Variants in GLP2R observed in about 807,000 individuals in gnomAD.
The protein encoded by GLP2R is glucagon-like peptide 2 receptor.
In GLP2R, 59 loss-of-function variants were observed where a neutral mutation model predicts 68.2. That is an observed-to-expected ratio of 0.87 (90% CI 0.70 to 1.07). The LOEUF is 1.07. GLP2R is among the 50% of genes least tolerant of loss of function. The pLI, the probability that GLP2R is intolerant of heterozygous loss-of-function variation, is 0.00. For missense variants in GLP2R, 548 were observed against 677.4 expected (o/e 0.81, Z 2.12); for synonymous variants, 270 against 265.4 (o/e 1.02, Z -0.17).
chr17:9,842,625 G>T lies in GLP2R; in HGVS notation c.504+9G>T. On this transcript the variant is annotated intron_variant, in intron 4 of 12. Transcript: ENST00000262441. ...ACAGCTTCAAGCAAAACGTGAGTTT[G>T]CTCAGCTCAGTGAGGAGGCATCCAG... is the stretch of plus-strand genomic sequence containing the variant. 6.2e-7 allele frequency: 1 copy of T among 1,613,080 alleles called. No individual in the cohort carries two copies. The highest frequency in any genetic ancestry group is 8.5e-7 in the Non-Finnish European group (1 of 1,179,956).
At chr17:9,889,007 C>G (rs142932291) in intron 12 of GLP2R, among the ~76,000 whole-genome samples, 2,242 of 152,270 alleles carry the variant, frequency 0.015, 66 homozygotes, top group African/African-American at 0.051. Flanking sequence ...AGCTCACATT[C>G]TATGTAAGCT....
intron 8 of GLP2R, 32 bp downstream of exon 8, chr17:9,861,231 G>C: frequency 1.4e-6 from 2 of 1,424,596 alleles, no homozygotes; most frequent in Non-Finnish European, 9.9e-7. Context: ...ATTCTTTCAC[G>C]AGCCGGTAAT....
chr17:9,845,044 C>T (rs1403009892), intron 4 of GLP2R, among the ~76,000 whole-genome samples: 7 of 145,620 alleles, frequency 4.8e-5, no homozygotes, highest in South Asian at 2.2e-4. Flanking sequence ...CCCCACTCTC[C>T]GCCACTCCCA....
intron 1 of GLP2R, among the ~76,000 whole-genome samples, chr17:9,829,438 T>A (rs1171540036): frequency 1.3e-5 from 2 of 152,070 alleles, no homozygotes; most frequent in African/African-American, 4.8e-5. Flanking sequence ...AATAAAGATG[T>A]GCTCTCAAAT....
chr17:9,834,636 A>G (rs966913226), intron 2 of GLP2R: 1 of 152,334 alleles, frequency 6.6e-6, no homozygotes, highest in African/African-American at 2.4e-5. Context: ...ACTGAGGACA[A>G]TCCCCGGCTC....
At chr17:9,881,378 C>CTTT (rs35526930) in intron 11 of GLP2R, among the ~76,000 whole-genome samples, 6 of 95,640 alleles carry the variant, frequency 6.3e-5, no homozygotes, top group Non-Finnish European at 9.8e-5. Context: ...GCTGTCAGGC[C>CTTT]TTTTTTTTTT....
intron 2 of GLP2R, among the ~76,000 whole-genome samples, chr17:9,835,221 G>A (rs2066716091): frequency 6.6e-6 from 1 of 151,966 alleles, no homozygotes; most frequent in Non-Finnish European, 1.5e-5. Context: ...CAGAGACGGG[G>A]TTTCACCATG....
chr17:9,826,327 CAT>C lies in GLP2R; in HGVS notation c.189+76_189+77del, dbSNP rs67232633. 0.025 allele frequency: 24,935 copies of C among 999,758 alleles called. 2,825 individuals are homozygous for C. In the African/African-American group the frequency reaches 0.29, roughly 12 times the overall value. 61.9% of individuals were successfully genotyped at this position (999,758 alleles called of 1,614,324 possible). A position where few individuals can be genotyped will look rare whatever the true frequency, so the allele number is the denominator to read the frequency against. On this transcript the variant is annotated intron_variant, in intron 1 of 12. Transcript: ENST00000262441. ...TTTTTTAAAGAAGCAATTTAGGCCT[CAT>C]GTAAGCAATTTGGAAAAGAGAAAAC...
chr17:9,859,257 T>C (rs958866025), intron 6 of GLP2R, among the ~76,000 whole-genome samples: 4 of 152,238 alleles, frequency 2.6e-5, no homozygotes, highest in African/African-American at 9.6e-5. Context: ...TTTCCAATCA[T>C]ATGAACATTT....
chr17:9,872,508 C>T (rs1011213014), intron 10 of GLP2R, among the ~76,000 whole-genome samples: 21 of 152,226 alleles, frequency 1.4e-4, no homozygotes, highest in Middle Eastern at 3.4e-3. Context: ...ATTCGGGAGG[C>T]GGAGGTTGCA....
chr17:9,828,381 T>C (rs541314804), intron 1 of GLP2R, among the ~76,000 whole-genome samples: 1 of 152,232 alleles, frequency 6.6e-6, no homozygotes, highest in Non-Finnish European at 1.5e-5. Context: ...AGAACATTCA[T>C]CCTTGCTTCC....
chr17:9,860,122 C>T (rs1205310377), intron 7 of GLP2R, 21 bp downstream of exon 7: 1 of 1,558,572 alleles, frequency 6.4e-7, no homozygotes, highest in East Asian at 2.3e-5. Context: ...TGACCTTCAG[C>T]TTCCTTTCCT....
chr17:9,831,545 G>C (rs2066679833), intron 1 of GLP2R, among the ~76,000 whole-genome samples: 1 of 152,194 alleles, frequency 6.6e-6, no homozygotes, highest in Admixed American at 6.5e-5. Flanking sequence ...CTCTAGGCTT[G>C]AGTTGGGCCT....
intron 1 of GLP2R, among the ~76,000 whole-genome samples, 162 bp downstream of exon 1, chr17:9,826,414 A>G (rs949995842): frequency 2.6e-5 from 4 of 152,206 alleles, no homozygotes; most frequent in African/African-American, 9.6e-5. Flanking sequence ...CACTGTTCAT[A>G]TTTTGGCATA....
rs1214579421 is a variant in GLP2R, at chr17:9,833,791, G to A, written c.190-16G>A. On this transcript the variant is annotated splice_polypyrimidine_tract_variant and intron_variant, in intron 1 of 12. Coordinates refer to ENST00000262441, the MANE Select transcript of GLP2R (RefSeq NM_004246.3). ...GTGCTTGGTCACTGGGGGTGACCAT[G>A]TTTTTGTTTGCTCAGGTTACAGGAT... 6.5e-7 allele frequency: 1 copy of A among 1,544,450 alleles called. No individual in the cohort carries two copies. The highest frequency in any genetic ancestry group is 2.3e-5 in the East Asian group (1 of 43,018).
At chr17:9,847,413 G>A (rs2066850009) in intron 4 of GLP2R, among the ~76,000 whole-genome samples, 1 of 151,948 alleles carries the variant, frequency 6.6e-6, no homozygotes, top group Non-Finnish European at 1.5e-5. Flanking sequence ...GGGACTACAG[G>A]GGCACGCTGC....
chr17:9,854,361 G>A, intron 4 of GLP2R, 134 bp from the exon 5 acceptor site: 1 of 684,232 alleles, frequency 1.5e-6, no homozygotes, highest in South Asian at 1.7e-5. Flanking sequence ...GTGTCAACAA[G>A]GATGGGGAAG....
intron 9 of GLP2R, chr17:9,865,752 G>C (rs947300290): frequency 6.5e-6 from 3 of 463,976 alleles, no homozygotes; most frequent in Non-Finnish European, 1.3e-5. Flanking sequence ...AAGTCAACAG[G>C]CATGCCTAGA....
At chr17:9,829,141 T>C (rs1261235792) in intron 1 of GLP2R, among the ~76,000 whole-genome samples, 5 of 152,096 alleles carry the variant, frequency 3.3e-5, no homozygotes. Flanking sequence ...ATAGTTTAGT[T>C]TCTAAATTCA....
Sources: gnomAD v4.1 joint callset for allele counts (sites outside exome capture counted in the v4.1 genomes callset) on GRCh38, gnomAD v4.1.1 for gene constraint, MANE v1.5 for transcripts, NCBI Gene and HGNC (gene_info 2026-07-23, HGNC 2026-07-21) for gene names.